KCND2: variants seen among roughly 807,000 people sequenced by gnomAD.
The protein encoded by KCND2 is potassium voltage-gated channel subfamily D member 2, also known as A-type voltage-gated potassium channel KCND2.
Under a neutral mutation model 54.4 loss-of-function variants are expected in KCND2, and 16 were observed. The ratio of observed to expected loss-of-function variants is 0.29; its 90% CI spans 0.20 to 0.45. The LOEUF is 0.45. Among genes scored for constraint, KCND2 ranks in the 20% least tolerant of loss-of-function variants. The pLI is 1.00. For missense variants in KCND2, 486 were observed against 824.2 expected (o/e 0.59, Z 5.02); for synonymous variants, 317 against 310.7 (o/e 1.02, Z -0.21).
chr7:120,490,451 A>AT (rs1260079861), intron 1 of KCND2, among the ~76,000 whole-genome samples: 8 of 152,150 alleles, frequency 5.3e-5, no homozygotes, highest in African/African-American at 1.9e-4. Context: ...TGATAAATTT[A>AT]TAGCTGAACT....
intron 1 of KCND2, among the ~76,000 whole-genome samples, chr7:120,507,236 G>A (rs1044983619): frequency 6.9e-6 from 1 of 145,888 alleles, no homozygotes; most frequent in Non-Finnish European, 1.5e-5. Flanking sequence ...GGAGAAGCTA[G>A]ATATATAACA....
intron 1 of KCND2, among the ~76,000 whole-genome samples, chr7:120,554,405 T>C (rs1792136918): frequency 6.6e-6 from 1 of 152,044 alleles, no homozygotes. Context: ...TTTACTTTTT[T>C]TTTTTAATTT....
At chr7:120,660,456 C>T (rs967476575) in intron 1 of KCND2, among the ~76,000 whole-genome samples, 1 of 152,140 alleles carries the variant, frequency 6.6e-6, no homozygotes, top group African/African-American at 2.4e-5. Context: ...ATTATTACCT[C>T]CTATTTCTTT....
chr7:120,505,989 TA>T (rs1287058647), intron 1 of KCND2, among the ~76,000 whole-genome samples: 3 of 151,780 alleles, frequency 2.0e-5, no homozygotes, highest in Non-Finnish European at 4.4e-5. Context: ...TTTGTATTAA[TA>T]AAACAATTTT....
In KCND2 at chr7:120,750,123, T is replaced by C. The variant is rs2116203453; in HGVS notation, c.*2265T>C. The C allele has an allele frequency of 6.6e-6, 1 of 152,546 alleles. No homozygotes were observed. Among genetic ancestry groups the C allele is most frequent in the East Asian group, 1.9e-4 (1 of 5,182 alleles). 9.4% of individuals were successfully genotyped at this position (152,546 alleles called of 1,614,324 possible). On this transcript the variant is annotated 3_prime_UTR_variant, in exon 6 of 6. Coordinates refer to ENST00000331113, the MANE Select transcript of KCND2 (RefSeq NM_012281.3). ...ATATACCGTGTTGGTGGTGAATGAC[T>C]ATTGATGACTGTGTTAAGTGCATCT...
chr7:120,340,004 G>T (rs867970000), intron 1 of KCND2, among the ~76,000 whole-genome samples: 1 of 152,140 alleles, frequency 6.6e-6, no homozygotes. Flanking sequence ...GAGCCATTAG[G>T]TCAGAAAGGG....
At chr7:120,627,951 G>A (rs1248250019) in intron 1 of KCND2, among the ~76,000 whole-genome samples, 1 of 151,972 alleles carries the variant, frequency 6.6e-6, no homozygotes, top group Non-Finnish European at 1.5e-5. Context: ...CGGGCCTTAA[G>A]GAGTCTAATA....
chr7:120,740,745 A>C, intron 2 of KCND2: 1 of 428,758 alleles, frequency 2.3e-6, no homozygotes, highest in Non-Finnish European at 4.7e-6. Context: ...CACACACACA[A>C]AATGCTTTAA....
intron 1 of KCND2, among the ~76,000 whole-genome samples, chr7:120,382,525 A>C (rs1279683332): frequency 6.6e-6 from 1 of 151,850 alleles, no homozygotes; most frequent in African/African-American, 2.4e-5. Flanking sequence ...CATGTTGATA[A>C]AATTTTACTT....
chr7:120,353,133 C>T (rs6942459), intron 1 of KCND2, among the ~76,000 whole-genome samples: 12,966 of 93,070 alleles, frequency 0.14, 740 homozygotes, highest in Admixed American at 0.24. Context: ...AATACTTTTA[C>T]TTTTTTTTTT....
intron 1 of KCND2, among the ~76,000 whole-genome samples, chr7:120,330,103 C>A (rs1584733045): frequency 6.6e-6 from 1 of 152,152 alleles, no homozygotes; most frequent in East Asian, 1.9e-4. Flanking sequence ...ATTGACACTA[C>A]CTGGGTTGAA....
chr7:120,506,220 T>C (rs1311367756), intron 1 of KCND2, among the ~76,000 whole-genome samples: 2 of 151,674 alleles, frequency 1.3e-5, no homozygotes, highest in Non-Finnish European at 1.5e-5. Flanking sequence ...GTAATAAATA[T>C]TGAGTTCGAT....
At chr7:120,523,217 T>C (rs1791721863) in intron 1 of KCND2, among the ~76,000 whole-genome samples, 1 of 152,180 alleles carries the variant, frequency 6.6e-6, no homozygotes, top group Admixed American at 6.5e-5. Flanking sequence ...TCCTAGAAGC[T>C]AAATGCTTTA....
chr7:120,309,136 T>G (rs1033651444), intron 1 of KCND2, among the ~76,000 whole-genome samples: 2 of 152,136 alleles, frequency 1.3e-5, no homozygotes, highest in Admixed American at 6.6e-5. Flanking sequence ...TTTGGTATTT[T>G]GGAAGACATG....
intron 1 of KCND2, among the ~76,000 whole-genome samples, chr7:120,407,844 A>G (rs535896235): frequency 3.2e-4 from 48 of 152,024 alleles, no homozygotes; most frequent in African/African-American, 1.1e-3. Flanking sequence ...TCTCAAACAT[A>G]CTATATGAAG....
At chr7:120,312,602 A>T (rs1295593986) in intron 1 of KCND2, among the ~76,000 whole-genome samples, 2 of 152,132 alleles carry the variant, frequency 1.3e-5, no homozygotes, top group Non-Finnish European at 2.9e-5. Flanking sequence ...TGGCGACAAA[A>T]ATTCATACAT....
chr7:120,537,515 G>A (rs991430602), intron 1 of KCND2, among the ~76,000 whole-genome samples: 1 of 152,184 alleles, frequency 6.6e-6, no homozygotes, highest in Admixed American at 6.5e-5. Context: ...CTTGCTGCTA[G>A]ACATTGACTT....
At chr7:120,619,585 T>G (rs534082319) in intron 1 of KCND2, among the ~76,000 whole-genome samples, 9 of 152,322 alleles carry the variant, frequency 5.9e-5, no homozygotes, top group African/African-American at 1.7e-4. Flanking sequence ...TTATGCTACT[T>G]CAGTAGGTAA....
At chr7:120,279,117 A>G (rs2116251714) in intron 1 of KCND2, among the ~76,000 whole-genome samples, 1 of 152,072 alleles carries the variant, frequency 6.6e-6, no homozygotes, top group African/African-American at 2.4e-5. Flanking sequence ...GTAGTACTCA[A>G]ATCTTGCTAA....
Sources: allele counts gnomAD v4.1 joint callset (sites outside exome capture counted in the v4.1 genomes callset), GRCh38; gene constraint gnomAD v4.1.1; transcripts MANE v1.5; gene names NCBI Gene and HGNC (gene_info 2026-07-23, HGNC 2026-07-21).